CNTNAP2: variants seen among roughly 807,000 people sequenced by gnomAD.
CNTNAP2 encodes contactin-associated protein-like 2.
In CNTNAP2, 98 loss-of-function variants were observed where a neutral mutation model predicts 155.2. The ratio of observed to expected loss-of-function variants is 0.63; its 90% CI spans 0.54 to 0.75. The LOEUF is 0.75. CNTNAP2 is among the 30% of genes least tolerant of loss of function. The pLI, the probability that CNTNAP2 is intolerant of heterozygous loss-of-function variation, is 0.00. For missense variants in CNTNAP2, 1,727 were observed against 1,688.1 expected (o/e 1.02, Z -0.40); for synonymous variants, 651 against 631.2 (o/e 1.03, Z -0.47).
chr7:146,218,426 G>A (rs1369074869), intron 1 of CNTNAP2, among the ~76,000 whole-genome samples: 1 of 152,006 alleles, frequency 6.6e-6, no homozygotes, highest in Non-Finnish European at 1.5e-5. Context: ...GGAGAATGGC[G>A]TGAACCTGAG....
At chr7:147,925,289 C>T (rs529425671) in intron 14 of CNTNAP2, among the ~76,000 whole-genome samples, 10 of 76,402 alleles carry the variant, frequency 1.3e-4, no homozygotes, top group Middle Eastern at 0.011. Context: ...CACAAGCGCG[C>T]GCGCACACAC....
chr7:147,954,850 A>G (rs1038493407), intron 14 of CNTNAP2, among the ~76,000 whole-genome samples: 2 of 152,222 alleles, frequency 1.3e-5, no homozygotes, highest in Non-Finnish European at 2.9e-5. Context: ...TTTATAGTAT[A>G]AAAGTGTACA....
intron 12 of CNTNAP2, among the ~76,000 whole-genome samples, chr7:147,637,242 A>G (rs1563033069): frequency 6.6e-6 from 1 of 150,848 alleles, no homozygotes; most frequent in Non-Finnish European, 1.5e-5. Flanking sequence ...GTGAGGAGGC[A>G]AGGGTGGAAA....
chr7:147,070,714 G>A lies in CNTNAP2; in HGVS notation c.550+26660G>A, dbSNP rs1302686723. Among the ~76,000 whole-genome samples the A allele has an allele frequency of 3.3e-5, 5 of 152,276 alleles. No homozygotes were observed. In the East Asian group the frequency reaches 9.7e-4, roughly 29 times the overall value. Reference sequence around the variant, plus strand: ...ATGCAACTGCTGATTAAGGCCCCATGTTTTTATGTCCTTCTTAGAGTACGG... The same window carrying A: ...ATGCAACTGCTGATTAAGGCCCCATATTTTTATGTCCTTCTTAGAGTACGG... On this transcript the variant is annotated intron_variant, in intron 4 of 23. Coordinates refer to ENST00000361727, the MANE Select transcript of CNTNAP2 (RefSeq NM_014141.6).
chr7:146,493,644 G>A (rs573347243), intron 1 of CNTNAP2, among the ~76,000 whole-genome samples: 2 of 152,076 alleles, frequency 1.3e-5, no homozygotes, highest in Non-Finnish European at 2.9e-5. Context: ...ATTATTAAAG[G>A]TAGTTAAGAG....
intron 22 of CNTNAP2, 76 bp from the exon 23 acceptor site, chr7:148,409,315 T>C: frequency 8.7e-7 from 1 of 1,153,462 alleles, no homozygotes. Context: ...AAGAGTTGCA[T>C]GAAGAAATAG....
chr7:148,093,174 CT>C (rs1803883255), intron 15 of CNTNAP2, among the ~76,000 whole-genome samples: 1 of 144,766 alleles, frequency 6.9e-6, no homozygotes, highest in Non-Finnish European at 1.5e-5. Flanking sequence ...ATAGATATAT[CT>C]GAGAGCTCTG....
chr7:147,929,273 A>G (rs1046734575), intron 14 of CNTNAP2, among the ~76,000 whole-genome samples: 2 of 152,126 alleles, frequency 1.3e-5, no homozygotes, highest in African/African-American at 4.8e-5. Flanking sequence ...AAGGGATAGA[A>G]GAGATATTAT....
chr7:147,450,762 C>T (rs1282716407), intron 10 of CNTNAP2, among the ~76,000 whole-genome samples: 1 of 152,158 alleles, frequency 6.6e-6, no homozygotes, highest in East Asian at 1.9e-4. Context: ...GTTTCTTATC[C>T]TACCAAAATT....
intron 13 of CNTNAP2, among the ~76,000 whole-genome samples, chr7:147,824,023 A>T (rs1316215710): frequency 6.6e-6 from 1 of 152,118 alleles, no homozygotes; most frequent in East Asian, 1.9e-4. Flanking sequence ...GTGTATGGGG[A>T]TGGCTTATCT....
chr7:146,676,921 C>T (rs1264648355), intron 1 of CNTNAP2, among the ~76,000 whole-genome samples: 2 of 152,102 alleles, frequency 1.3e-5, no homozygotes, highest in Non-Finnish European at 2.9e-5. Context: ...TTGGGTGGGT[C>T]ACAGCCAAAC....
At chr7:147,040,966 C>A (rs1343752120) in intron 3 of CNTNAP2, among the ~76,000 whole-genome samples, 2 of 152,092 alleles carry the variant, frequency 1.3e-5, no homozygotes, top group Non-Finnish European at 2.9e-5. Flanking sequence ...AATAATTCTT[C>A]TTTTGAAATA....
At chr7:146,163,740 A>T (rs1798269100) in intron 1 of CNTNAP2, among the ~76,000 whole-genome samples, 1 of 151,638 alleles carries the variant, frequency 6.6e-6, no homozygotes, top group South Asian at 2.1e-4. Context: ...AAAAAAGAAA[A>T]AAAAAGAAAA....
chr7:146,965,365 G>T (rs1797637397), intron 3 of CNTNAP2, among the ~76,000 whole-genome samples: 1 of 151,596 alleles, frequency 6.6e-6, no homozygotes, highest in African/African-American at 2.4e-5. Flanking sequence ...AGAGGAGGAT[G>T]CTAGGAACCA....
intron 13 of CNTNAP2, among the ~76,000 whole-genome samples, chr7:147,785,869 G>A (rs545481035): frequency 6.6e-6 from 1 of 152,148 alleles, no homozygotes; most frequent in African/African-American, 2.4e-5. Context: ...GTGCAGGGCT[G>A]TAGTCCTAGC....
chr7:147,913,268 C>T (rs1021575678), intron 14 of CNTNAP2, among the ~76,000 whole-genome samples: 7 of 152,186 alleles, frequency 4.6e-5, no homozygotes, highest in Non-Finnish European at 1.0e-4. Flanking sequence ...CAGTATTCAA[C>T]AGAAAAATCA....
At chr7:146,729,189 G>T (rs542512008) in intron 1 of CNTNAP2, among the ~76,000 whole-genome samples, 34 of 152,236 alleles carry the variant, frequency 2.2e-4, no homozygotes, top group African/African-American at 7.9e-4. Flanking sequence ...TTCTTCATTA[G>T]GGCTCCTCAG....
intron 1 of CNTNAP2, among the ~76,000 whole-genome samples, chr7:146,458,273 C>G (rs1487893777): frequency 6.6e-6 from 1 of 152,050 alleles, no homozygotes; most frequent in Non-Finnish European, 1.5e-5. Context: ...ACCTGCACAT[C>G]CTACACATGT....
Position 147,395,715 on chromosome 7 carries a change from A to T in CNTNAP2, c.1605A>T (p.Glu535Asp), listed in dbSNP as rs764327170. 2.5e-6 allele frequency: 4 copies of T among 1,612,542 alleles called. No individual in the cohort carries two copies. Among genetic ancestry groups the T allele is most frequent in the Non-Finnish European group, 3.4e-6 (4 of 1,178,894 alleles). ...QVDDQLVNLY[E>D]VAQRKPGSFA... Reference sequence around the variant, plus strand: ...ACGATCAACTTGTAAATTTATACGAAGTGGCACAAAGGAAGCCGGGAAGTT... The same window carrying T: ...ACGATCAACTTGTAAATTTATACGATGTGGCACAAAGGAAGCCGGGAAGTT... The change falls in exon 10 of 24, where the codon GAA becomes GAT. Residue 535 changes from glutamate (E) to aspartate (D), a missense_variant. Transcript: ENST00000361727.
Sources: gnomAD v4.1 joint callset for allele counts (sites outside exome capture counted in the v4.1 genomes callset) on GRCh38, gnomAD v4.1.1 for gene constraint, MANE v1.5 for transcripts, NCBI Gene and HGNC (gene_info 2026-07-23, HGNC 2026-07-21) for gene names.